Variants in DEPDC4 observed in about 807,000 individuals in gnomAD.
DEPDC4 encodes the protein DEP domain containing 4.
Under a neutral mutation model 52.0 loss-of-function variants are expected in DEPDC4, and 52 were observed. The ratio of observed to expected loss-of-function variants is 1.00; its 90% confidence interval spans 0.80 to 1.26. The LOEUF is 1.26. Among genes scored for constraint, DEPDC4 ranks in the 50% most tolerant of loss-of-function variants. DEPDC4 has a pLI of 0.00. For synonymous variants in DEPDC4, 201 were observed against 196.8 expected, an observed-to-expected ratio of 1.02 and a Z score of -0.18; for missense variants, 530 against 546.9, an observed-to-expected ratio of 0.97 and a Z score of 0.31.
chr12:100,260,336 G>T (rs2153920538), intron 3 of DEPDC4, among the ~76,000 whole-genome samples: 1 of 151,622 alleles, frequency 6.6e-6, no homozygotes, highest in East Asian at 2.0e-4. Context: ...GGCCAGGCTG[G>T]TCTTGAACTC....
At chr12:100,237,564 T>C (rs2153903118), downstream of DEPDC4, among the ~76,000 whole-genome samples, 1 of 152,238 alleles carries the variant, frequency 6.6e-6, no homozygotes, top group Non-Finnish European at 1.5e-5. Context: ...TTAATGGAAA[T>C]TGCATTGAAT....
intron 3 of DEPDC4, among the ~76,000 whole-genome samples, chr12:100,256,673 G>A (rs531747580): frequency 5.4e-4 from 79 of 146,704 alleles, no homozygotes; most frequent in African/African-American, 1.9e-3. Context: ...ATGGAGTCTC[G>A]CTTTGTTGCC....
At chr12:100,237,749 G>A (rs2096143839), downstream of DEPDC4, 1 of 151,798 alleles carries the variant, frequency 6.6e-6, no homozygotes, top group South Asian at 2.1e-4. Context: ...TTATTTCTTT[G>A]TTTCAACCTT....
chr12:100,246,487 C>T (rs2096185989), intron 8 of DEPDC4, among the ~76,000 whole-genome samples: 2 of 152,138 alleles, frequency 1.3e-5, no homozygotes, highest in Admixed American at 6.5e-5. Context: ...TTATTGCAAG[C>T]AGGGGCATTA....
At chr12:100,238,018 T>C (rs1306142501), downstream of DEPDC4, 3 of 970,092 alleles carry the variant, frequency 3.1e-6, no homozygotes, top group Non-Finnish European at 3.7e-6. Flanking sequence ...AGGAGACTTC[T>C]ATCGAAGAGG....
intron 4 of DEPDC4, among the ~76,000 whole-genome samples, chr12:100,254,320 T>C (rs12827685): frequency 0.022 from 1,324 of 59,994 alleles, 32 homozygotes; most frequent in Non-Finnish European, 0.028. Flanking sequence ...TTTTTTTGAC[T>C]TTTTTTTTTT....
intron 8 of DEPDC4, among the ~76,000 whole-genome samples, chr12:100,247,986 T>A (rs1326691241): frequency 1.3e-5 from 2 of 152,136 alleles, no homozygotes; most frequent in African/African-American, 2.4e-5. Context: ...CTCTCTAAGC[T>A]TCAGCTACCT....
chr12:100,266,793 A>G, intron 1 of DEPDC4, 127 bp downstream of exon 1: 4 of 1,284,580 alleles, frequency 3.1e-6, no homozygotes, highest in Non-Finnish European at 2.1e-6. Flanking sequence ...CTGGTAGGGC[A>G]GGAAGGGGGC....
rs893750556 is a variant in DEPDC4, at chr12:100,241,650, A to G, written c.*242T>C. 9.3e-6 allele frequency: 11 copies of G among 1,186,544 alleles called. No individual in the cohort carries two copies. The African/African-American group carries it at 1.8e-4, about 19-fold the overall frequency. 73.5% of individuals were successfully genotyped at this position (1,186,544 alleles called of 1,614,324 possible). A position where few individuals can be genotyped will look rare whatever the true frequency, so the allele number is the denominator to read the frequency against. On this transcript the variant is annotated 3_prime_UTR_variant, in exon 10 of 10. Transcript: ENST00000550587. ...AGAATTGTTTATATTTACAAATTGT[A>G]GTTTCTTGTATCAGAAATGTTAATT...
chr12:100,267,260 C>A, upstream of DEPDC4: 1 of 620,152 alleles, frequency 1.6e-6, no homozygotes, highest in Non-Finnish European at 2.7e-6. Flanking sequence ...TTTGCGGCCG[C>A]GGGGGCGGCG....
At chr12:100,244,103 A>C (rs1488627597) in intron 8 of DEPDC4, among the ~76,000 whole-genome samples, 1 of 61,798 alleles carries the variant, frequency 1.6e-5, no homozygotes, top group Non-Finnish European at 3.1e-5. Flanking sequence ...GTGTATATAT[A>C]TATATATATA....
downstream of DEPDC4, among the ~76,000 whole-genome samples, chr12:100,239,187 C>T: frequency 6.6e-6 from 1 of 152,102 alleles, no homozygotes; most frequent in African/African-American, 2.4e-5. Context: ...AGCAATTCTC[C>T]TGCCTCAGCC....
intron 1 of DEPDC4, among the ~76,000 whole-genome samples, chr12:100,264,143 TA>T (rs757989920): frequency 1.8e-4 from 28 of 152,238 alleles, no homozygotes; most frequent in Non-Finnish European, 3.1e-4. Context: ...TGAATTTATA[TA>T]CCCTTATTAC....
intron 5 of DEPDC4, 114 bp from the exon 6 acceptor site, chr12:100,252,650 T>C: frequency 9.9e-7 from 1 of 1,014,230 alleles, no homozygotes; most frequent in Non-Finnish European, 1.4e-6. Flanking sequence ...TTGCAGGTTC[T>C]TTTCTACAAT....
upstream of DEPDC4, among the ~76,000 whole-genome samples, chr12:100,271,173 T>C (rs1239063902): frequency 6.7e-6 from 1 of 148,794 alleles, no homozygotes; most frequent in Non-Finnish European, 1.5e-5. Flanking sequence ...AATCTCTGAG[T>C]GCTCCCACAA....
At chr12:100,279,587 T>C in the DEPDC4 span, among the ~76,000 whole-genome samples, 1 of 152,246 alleles carries the variant, frequency 6.6e-6, no homozygotes, top group Non-Finnish European at 1.5e-5. Context: ...TTTGTTCTGG[T>C]AGGCTGTTTA....
intron 4 of DEPDC4, among the ~76,000 whole-genome samples, chr12:100,255,013 C>T (rs2153912006): frequency 6.6e-6 from 1 of 152,312 alleles, no homozygotes. Context: ...GGCCCTTTGG[C>T]CCTTCTTTCC....
At chr12:100,273,316 T>C in the DEPDC4 span, among the ~76,000 whole-genome samples, 2 of 152,206 alleles carry the variant, frequency 1.3e-5, no homozygotes, top group East Asian at 3.8e-4. Flanking sequence ...ATTACTGTTT[T>C]TGGGAAACAT....
At chr12:100,252,792 T>TA (rs1351910292) in intron 5 of DEPDC4, among the ~76,000 whole-genome samples, 3 of 152,244 alleles carry the variant, frequency 2.0e-5, no homozygotes, top group Non-Finnish European at 2.9e-5. Context: ...TATGGCCACT[T>TA]ACACAGCTAA....
Sources: allele counts gnomAD v4.1 joint callset (sites outside exome capture counted in the v4.1 genomes callset), GRCh38; gene constraint gnomAD v4.1.1; transcripts MANE v1.5; gene names NCBI Gene and HGNC (gene_info 2026-07-23, HGNC 2026-07-21).